Variants in PDS5B observed in about 807,000 individuals in gnomAD.
PDS5B encodes the protein sister chromatid cohesion protein PDS5 homolog B.
In PDS5B, 51 loss-of-function variants were observed where a neutral mutation model predicts 184.1. The observed-to-expected ratio is 0.28, with a 90% CI of 0.22 to 0.35. PDS5B has a LOEUF of 0.35. PDS5B is among the 10% of genes least tolerant of loss of function. The pLI, the probability that PDS5B is intolerant of heterozygous loss-of-function variation, is 1.00. For synonymous variants in PDS5B, 566 were observed against 569.2 expected (o/e 0.99, Z 0.08); for missense variants, 1,180 against 1,723.3 (o/e 0.68, Z 5.58).
intron 1 of PDS5B, among the ~76,000 whole-genome samples, chr13:32,646,668 T>C (rs926083518): frequency 6.6e-6 from 1 of 152,118 alleles, no homozygotes; most frequent in Admixed American, 6.5e-5. Flanking sequence ...TCCACTTTTT[T>C]CATTGTCTTT....
At chr13:32,740,446 TG>T (rs1953498459) in intron 21 of PDS5B, among the ~76,000 whole-genome samples, 1 of 152,188 alleles carries the variant, frequency 6.6e-6, no homozygotes, top group Admixed American at 6.5e-5. Flanking sequence ...TTTTAGATGT[TG>T]GGGGCTACCT....
chr13:32,682,993 T>C (rs1157293822), intron 10 of PDS5B, among the ~76,000 whole-genome samples: 1 of 152,142 alleles, frequency 6.6e-6, no homozygotes, highest in Non-Finnish European at 1.5e-5. Flanking sequence ...ATCTCTTCTC[T>C]TGTTATTTGT....
At chr13:32,602,242 C>T (rs1224259935) in intron 1 of PDS5B, among the ~76,000 whole-genome samples, 1 of 152,122 alleles carries the variant, frequency 6.6e-6, no homozygotes, top group East Asian at 1.9e-4. Flanking sequence ...TCCCTCTCCC[C>T]TCCCTTCCCC....
intron 1 of PDS5B, among the ~76,000 whole-genome samples, chr13:32,635,647 T>A (rs1219293830): frequency 1.3e-5 from 2 of 151,764 alleles, no homozygotes; most frequent in African/African-American, 4.8e-5. Context: ...TGGCCTGGCC[T>A]TTTTGATTAG....
chr13:32,679,911 G>GTGTGTGTGTC lies in PDS5B; in HGVS notation c.1057+987_1057+988insGTGTCTGTGT, dbSNP rs1042339754. ...TGTGTGTGTGTGTGTGTGTGTGTGTGTGTGTCTGTTTCTACACCTCCCCTT... is the reference window on the plus strand; with the variant it reads ...TGTGTGTGTGTGTGTGTGTGTGTGTGTGTGTGTGTCTGTGTCTGTTTCTACACCTCCCCTT... On this transcript the variant is annotated intron_variant, in intron 10 of 34. Coordinates refer to ENST00000315596, the MANE Select transcript of PDS5B (RefSeq NM_015032.4). 4.6e-3 allele frequency among the ~76,000 whole-genome samples: 688 copies of GTGTGTGTGTC among 150,476 alleles called. 4 individuals carry two copies. The highest frequency in any genetic ancestry group is 0.016 in the African/African-American group (645 of 40,314).
intron 19 of PDS5B, among the ~76,000 whole-genome samples, chr13:32,715,067 A>T (rs528700077): frequency 6.6e-6 from 1 of 152,228 alleles, no homozygotes; most frequent in Non-Finnish European, 1.5e-5. Context: ...TTCTTCTGCC[A>T]TGGCTTCAGC....
chr13:32,594,592 T>G (rs981653557), intron 1 of PDS5B, among the ~76,000 whole-genome samples: 6 of 152,236 alleles, frequency 3.9e-5, no homozygotes, highest in Non-Finnish European at 8.8e-5. Context: ...AAAAAATTCT[T>G]GAAGGAGCAA....
chr13:32,606,574 TGTG>T (rs1256126059), intron 1 of PDS5B, among the ~76,000 whole-genome samples: 6 of 152,290 alleles, frequency 3.9e-5, no homozygotes, highest in African/African-American at 1.2e-4. Flanking sequence ...GGAGTATCTT[TGTG>T]GTGTTCTCTG....
At chr13:32,706,147 G>A (rs977688907) in intron 17 of PDS5B, among the ~76,000 whole-genome samples, 27 of 151,772 alleles carry the variant, frequency 1.8e-4, no homozygotes, top group Admixed American at 6.6e-4. Context: ...GTTTGTTGGC[G>A]CGCACCTGTA....
chr13:32,603,688 G>T (rs1409126854), intron 1 of PDS5B, among the ~76,000 whole-genome samples: 1 of 152,184 alleles, frequency 6.6e-6, no homozygotes, highest in African/African-American at 2.4e-5. Flanking sequence ...ACCTTGGGCG[G>T]TATGGCCATT....
chr13:32,724,292 T>C (rs1593525413), intron 19 of PDS5B, among the ~76,000 whole-genome samples: 1 of 152,018 alleles, frequency 6.6e-6, no homozygotes, highest in South Asian at 2.1e-4. Context: ...TTTTTTAAAC[T>C]TTTTGTAGAG....
At chr13:32,646,627 T>A (rs1344221417) in intron 1 of PDS5B, among the ~76,000 whole-genome samples, 1 of 151,964 alleles carries the variant, frequency 6.6e-6, no homozygotes, top group Non-Finnish European at 1.5e-5. Context: ...TTGCATGACA[T>A]AATTTTCCAT....
intron 20 of PDS5B, among the ~76,000 whole-genome samples, chr13:32,734,366 A>G (rs1182475460): frequency 6.6e-6 from 1 of 152,174 alleles, no homozygotes; most frequent in Admixed American, 6.5e-5. Context: ...ATTTTATATG[A>G]GTATTTGAAG....
chr13:32,631,612 A>G (rs558035150), intron 1 of PDS5B, among the ~76,000 whole-genome samples: 1 of 152,304 alleles, frequency 6.6e-6, no homozygotes, highest in South Asian at 2.1e-4. Flanking sequence ...GGCAAGTTTG[A>G]TTGTATTGTT....
intron 33 of PDS5B, among the ~76,000 whole-genome samples, chr13:32,771,960 T>A (rs1025580343): frequency 6.6e-6 from 1 of 150,742 alleles, no homozygotes; most frequent in Admixed American, 6.6e-5. Flanking sequence ...AAAAAAAAAA[T>A]TGATATGGAA....
At chr13:32,718,761 T>C (rs1952567160) in intron 19 of PDS5B, among the ~76,000 whole-genome samples, 1 of 152,114 alleles carries the variant, frequency 6.6e-6, no homozygotes, top group Non-Finnish European at 1.5e-5. Context: ...GTAGCCAAAA[T>C]GAGTATGTAA....
At chr13:32,697,888 A>G (rs1951753344) in intron 15 of PDS5B, among the ~76,000 whole-genome samples, 1 of 152,090 alleles carries the variant, frequency 6.6e-6, no homozygotes, top group Admixed American at 6.5e-5. Flanking sequence ...TTTAAAAAAT[A>G]TATTTTTTAA....
At chr13:32,756,799 T>TC (rs1174239045) in intron 26 of PDS5B, among the ~76,000 whole-genome samples, 2 of 152,174 alleles carry the variant, frequency 1.3e-5, no homozygotes, top group Non-Finnish European at 2.9e-5. Context: ...GCCCTTTTTT[T>TC]CCCACTGCAG....
chr13:32,595,169 TA>T (rs527556010), intron 1 of PDS5B, among the ~76,000 whole-genome samples: 74 of 147,496 alleles, frequency 5.0e-4, no homozygotes, highest in Admixed American at 6.8e-4. Context: ...ATTTCTTTCT[TA>T]AAAAAAAAAA....
Sources: gnomAD v4.1 joint callset for allele counts (sites outside exome capture counted in the v4.1 genomes callset) on GRCh38, gnomAD v4.1.1 for gene constraint, MANE v1.5 for transcripts, NCBI Gene and HGNC (gene_info 2026-07-23, HGNC 2026-07-21) for gene names.